CUL2: variants seen among roughly 807,000 people sequenced by gnomAD.
CUL2 encodes cullin 2, also known as cullin-2.
A neutral mutation model predicts 110.2 loss-of-function variants in CUL2; 22 were observed. The ratio of observed to expected loss-of-function variants is 0.20; its 90% CI spans 0.14 to 0.28. The LOEUF (loss-of-function observed/expected upper bound fraction) is 0.28, where lower values mean the gene tolerates loss of function less well. Ranked by LOEUF, CUL2 falls within the 10% of genes least tolerant of loss-of-function variation. The pLI, the probability that CUL2 is intolerant of heterozygous loss-of-function variation, is 1.00. For missense variants in CUL2, 631 were observed against 905.5 expected, an observed-to-expected ratio of 0.70 and a Z score of 3.89; for synonymous variants, 279 against 293.2, an observed-to-expected ratio of 0.95 and a Z score of 0.49.
intron 5 of CUL2, among the ~76,000 whole-genome samples, chr10:35,050,111 A>T (rs547934285): frequency 1.3e-5 from 2 of 152,246 alleles, no homozygotes; most frequent in Admixed American, 6.5e-5. Context: ...TCACGAGGTC[A>T]GGAGATCAAG....
chr10:35,013,068 C>A (rs1013391170), intron 19 of CUL2, among the ~76,000 whole-genome samples: 5 of 152,068 alleles, frequency 3.3e-5, no homozygotes, highest in Admixed American at 1.3e-4. Flanking sequence ...AGGCCAGGCG[C>A]GGTGGTTCAC....
At chr10:35,011,810 TC>T in intron 20 of CUL2, 37 bp downstream of exon 20, 2 of 1,100,774 alleles carry the variant, frequency 1.8e-6, no homozygotes, top group Non-Finnish European at 1.4e-6. Flanking sequence ...GACAATGCCC[TC>T]TACCCTAAGA....
chr10:35,047,700 TTGAGG>T (rs145177144), intron 6 of CUL2, among the ~76,000 whole-genome samples: 20,345 of 151,304 alleles, frequency 0.13, 1,542 homozygotes, highest in South Asian at 0.2. Flanking sequence ...GTTGGATCTC[TTGAGG>T]TAGGAGCTCG....
At chr10:35,110,457 C>CT (rs1179137906) in intron 1 of CUL2, among the ~76,000 whole-genome samples, 14 of 152,096 alleles carry the variant, frequency 9.2e-5, no homozygotes, top group Admixed American at 2.6e-4. Flanking sequence ...CCCAGATACT[C>CT]TGGAGTCTGA....
intron 1 of CUL2, among the ~76,000 whole-genome samples, chr10:35,085,833 T>A (rs756023244): frequency 1.3e-5 from 2 of 151,916 alleles, no homozygotes; most frequent in Non-Finnish European, 2.9e-5. Flanking sequence ...TTTTGTAAAG[T>A]CTCACAAAAA....
intron 17 of CUL2, among the ~76,000 whole-genome samples, chr10:35,017,092 G>A (rs977147983): frequency 1.2e-4 from 18 of 152,152 alleles, no homozygotes; most frequent in Admixed American, 3.9e-4. Flanking sequence ...CTCAAGTGCT[G>A]TCGATAGCTG....
chr10:35,010,317 G>A lies in CUL2; in HGVS notation c.2232C>T (p.Val744=), dbSNP rs770061112. ...ACGCTGGAGGAGAGCGACATCACGCGACGTAGCTGTATTCATCTGCCGACG... is the reference window on the plus strand; with the variant it reads ...ACGCTGGAGGAGAGCGACATCACGCAACGTAGCTGTATTCATCTGCCGACG... ...SQASADEYSY[V]A The change falls in exon 21 of 21, where the codon GTC becomes GTT. Residue 744 remains valine (V), a synonymous_variant. Coordinates refer to ENST00000374749, the MANE Select transcript of CUL2 (RefSeq NM_003591.4). The A allele has an allele frequency of 3.1e-6, 5 of 1,606,992 alleles. No homozygotes were observed. Among genetic ancestry groups the A allele is most frequent in the East Asian group, 2.3e-5 (1 of 44,386 alleles).
chr10:35,103,490 A>T (rs1383942365), intron 1 of CUL2, among the ~76,000 whole-genome samples: 2 of 151,186 alleles, frequency 1.3e-5, no homozygotes, highest in African/African-American at 4.9e-5. Flanking sequence ...ATGCCTGGCT[A>T]ATTTTTGTAT....
At chr10:35,044,425 C>A in intron 8 of CUL2, 141 bp downstream of exon 8, 1 of 535,292 alleles carries the variant, frequency 1.9e-6, no homozygotes. Flanking sequence ...ATAACTGTAA[C>A]TCAGAGTTAA....
At chr10:35,083,787 G>A (rs2086995335) in intron 1 of CUL2, among the ~76,000 whole-genome samples, 1 of 152,188 alleles carries the variant, frequency 6.6e-6, no homozygotes, top group Non-Finnish European at 1.5e-5. Flanking sequence ...AGGACTGCTT[G>A]AGCCAAGGAG....
chr10:35,119,900 C>CT (rs1004332151), intron 1 of CUL2: 2 of 152,118 alleles, frequency 1.3e-5, no homozygotes, highest in African/African-American at 4.8e-5. Context: ...TTTTGAAACT[C>CT]TTTTCCTCAG....
At chr10:35,015,866 A>G (rs1408160846) in intron 18 of CUL2, among the ~76,000 whole-genome samples, 1 of 152,230 alleles carries the variant, frequency 6.6e-6, no homozygotes, top group Non-Finnish European at 1.5e-5. Context: ...TTATAAAACC[A>G]AAAACCTGGA....
intron 1 of CUL2, among the ~76,000 whole-genome samples, chr10:35,117,325 C>G (rs2087620919): frequency 6.6e-6 from 1 of 152,198 alleles, no homozygotes; most frequent in Admixed American, 6.5e-5. Flanking sequence ...GCAGCCTAGT[C>G]TATCTCACAG....
intron 6 of CUL2, among the ~76,000 whole-genome samples, chr10:35,046,089 CCTTT>C (rs1246973713): frequency 6.6e-6 from 1 of 152,204 alleles, no homozygotes; most frequent in Non-Finnish European, 1.5e-5. Flanking sequence ...TTTGATTCTT[CCTTT>C]AATTATTTGG....
At chr10:35,034,180 T>C (rs2085556685) in intron 10 of CUL2, among the ~76,000 whole-genome samples, 1 of 152,254 alleles carries the variant, frequency 6.6e-6, no homozygotes. Flanking sequence ...TATTCACTTA[T>C]GTTTCCATCT....
chr10:35,037,686 T>C (rs1028079834), intron 9 of CUL2, among the ~76,000 whole-genome samples: 3 of 151,482 alleles, frequency 2.0e-5, no homozygotes, highest in African/African-American at 7.3e-5. Flanking sequence ...CTACTAAAAA[T>C]ACAAAAATTA....
At chr10:35,016,953 A>C (rs1315445481) in intron 17 of CUL2, among the ~76,000 whole-genome samples, 1 of 151,662 alleles carries the variant, frequency 6.6e-6, no homozygotes, top group East Asian at 1.9e-4. Flanking sequence ...CAAAAAAAAA[A>C]GTCTTTAAAT....
rs753761620 is a variant in CUL2, at chr10:35,071,372, A to C, written c.-22-33T>G. On this transcript the variant is annotated intron_variant, in intron 1 of 20. Coordinates refer to ENST00000374749, the MANE Select transcript of CUL2 (RefSeq NM_003591.4). ...TTAAAAAACAATAACAATGTTAGCA[A>C]TAATTCCATGAGCTTAGTTTTTTTG... 2.5e-6 allele frequency: 4 copies of C among 1,569,992 alleles called. No homozygotes were observed. The South Asian group carries it at 4.5e-5, about 18-fold the overall frequency.
chr10:35,066,277 T>A (rs1434030378), intron 2 of CUL2, among the ~76,000 whole-genome samples: 1 of 150,380 alleles, frequency 6.6e-6, no homozygotes, highest in Non-Finnish European at 1.5e-5. Context: ...AAATATATAA[T>A]AAAATTAACA....
Sources: allele counts gnomAD v4.1 joint callset (sites outside exome capture counted in the v4.1 genomes callset), GRCh38; gene constraint gnomAD v4.1.1; transcripts MANE v1.5; gene names NCBI Gene and HGNC (gene_info 2026-07-23, HGNC 2026-07-21).